PRKCZ: variants seen among roughly 807,000 people sequenced by gnomAD.
The protein encoded by PRKCZ is protein kinase C zeta type.
PRKCZ carries 33 observed loss-of-function variants against 79.5 expected under a neutral mutation model. That is an observed-to-expected ratio of 0.41 (90% confidence interval 0.31 to 0.55). The LOEUF is 0.55. Among genes scored for constraint, PRKCZ ranks in the 20% least tolerant of loss-of-function variants. The pLI is 0.19. For synonymous variants in PRKCZ, 342 were observed against 320.9 expected, an observed-to-expected ratio of 1.07 and a Z score of -0.70; for missense variants, 578 against 813.5, an observed-to-expected ratio of 0.71 and a Z score of 3.52.
At chr1:2,171,729 T>G (rs998646810) in intron 11 of PRKCZ, 1 of 313,346 alleles carries the variant, frequency 3.2e-6, no homozygotes, top group East Asian at 7.6e-5. Flanking sequence ...TGTTCTGCAC[T>G]CCTACCACAA....
chr1:2,061,317 G>A, intron 4 of PRKCZ, among the ~76,000 whole-genome samples: 1 of 152,028 alleles, frequency 6.6e-6, no homozygotes, highest in Non-Finnish European at 1.5e-5. Flanking sequence ...TACGACCTCG[G>A]CATTGCCTCT....
chr1:2,131,780 C>A (rs922252082), intron 4 of PRKCZ, among the ~76,000 whole-genome samples: 2 of 152,210 alleles, frequency 1.3e-5, no homozygotes, highest in African/African-American at 4.8e-5. Flanking sequence ...CTTACTGGAA[C>A]ATTTTTGTCA....
chr1:2,129,169 G>C (rs1674496813), intron 4 of PRKCZ, among the ~76,000 whole-genome samples: 1 of 152,184 alleles, frequency 6.6e-6, no homozygotes, highest in African/African-American at 2.4e-5. Context: ...ATTGCCTGAA[G>C]TTCGAAGGTT....
At chr1:2,087,204 T>C (rs1664677752) in intron 4 of PRKCZ, among the ~76,000 whole-genome samples, 1 of 152,054 alleles carries the variant, frequency 6.6e-6, no homozygotes, top group South Asian at 2.1e-4. Flanking sequence ...CACCTCAGCC[T>C]CCTGAGTAGC....
intron 4 of PRKCZ, among the ~76,000 whole-genome samples, chr1:2,087,190 C>T (rs1478373679): frequency 6.6e-6 from 1 of 152,082 alleles, no homozygotes; most frequent in Non-Finnish European, 1.5e-5. Flanking sequence ...TCAATTGATT[C>T]TCGCACCTCA....
chr1:2,159,537 C>T (rs905700388), intron 10 of PRKCZ, among the ~76,000 whole-genome samples: 12 of 152,238 alleles, frequency 7.9e-5, no homozygotes, highest in African/African-American at 2.7e-4. Flanking sequence ...GAGGTTTCCA[C>T]ACAAGTTTGG....
At chr1:2,054,850 G>A (rs551541541) in intron 1 of PRKCZ, among the ~76,000 whole-genome samples, 1 of 152,154 alleles carries the variant, frequency 6.6e-6, no homozygotes, top group South Asian at 2.1e-4. Flanking sequence ...CCTCCCACAA[G>A]AGGGCACTTT....
At chr1:2,056,868 A>G (rs1180886861) in intron 3 of PRKCZ, among the ~76,000 whole-genome samples, 2 of 151,522 alleles carry the variant, frequency 1.3e-5, no homozygotes, top group African/African-American at 4.9e-5. Flanking sequence ...AGCTGGGACT[A>G]CAGGCGCCCG....
At chr1:2,160,816 T>C (rs1209971601) in intron 10 of PRKCZ, among the ~76,000 whole-genome samples, 1 of 151,940 alleles carries the variant, frequency 6.6e-6, no homozygotes, top group Non-Finnish European at 1.5e-5. Context: ...CGTGGAGGAC[T>C]CGGGGGTGCT....
At chr1:2,077,676 C>G (rs1370110710) in intron 4 of PRKCZ, among the ~76,000 whole-genome samples, 1 of 152,174 alleles carries the variant, frequency 6.6e-6, no homozygotes, top group African/African-American at 2.4e-5. Context: ...CCTGGTCCTC[C>G]CTGCTGCCCC....
chr1:2,182,165 G>A (rs1686730394), intron 16 of PRKCZ: 1 of 229,824 alleles, frequency 4.4e-6, no homozygotes, highest in Non-Finnish European at 8.9e-6. Context: ...AAAAGCCTAT[G>A]AGGGTTTTTT....
intron 7 of PRKCZ, among the ~76,000 whole-genome samples, chr1:2,147,942 C>CT (rs1557678410): frequency 1.3e-5 from 2 of 151,456 alleles, no homozygotes; most frequent in Non-Finnish European, 1.5e-5. Context: ...GTCTATCCAT[C>CT]TATCTATTGT....
Position 2,150,927 on chromosome 1 carries a change from C to T in PRKCZ, c.825C>T (p.Asp275=), listed in dbSNP as rs779272149. ...KVLLVRLKKN[D]QIYAMKVVKK... ...TCCTGGTGCGGTTGAAGAAGAATGA[C>T]CAAATTTACGCCATGAAAGTGGTGA... The change falls in exon 9 of 18, where the codon GAC becomes GAT. Residue 275 remains aspartate (D), a synonymous_variant. Coordinates refer to ENST00000378567, the MANE Select transcript of PRKCZ (RefSeq NM_002744.6). 9.9e-6 allele frequency: 16 copies of T among 1,614,120 alleles called. No individual in the cohort carries two copies. In the Admixed American group the frequency reaches 2.7e-4, roughly 27 times the overall value.
At chr1:2,065,919 GT>G (rs929478735) in intron 4 of PRKCZ, among the ~76,000 whole-genome samples, 3 of 151,756 alleles carry the variant, frequency 2.0e-5, no homozygotes, top group Admixed American at 1.3e-4. Flanking sequence ...ACGATCATGT[GT>G]TTTTTTTACC....
Position 2,074,727 on chromosome 1 carries a change from G to C in PRKCZ, c.334+15136G>C, listed in dbSNP as rs140702214. 31 of 212,134 alleles carry C rather than the reference G, an allele frequency of 1.5e-4. 1 individual carries two copies. Among genetic ancestry groups the C allele is most frequent in the African/African-American group, 6.9e-4 (30 of 43,188 alleles). The allele number at this position is 212,134 out of a possible 1,614,324, so 13.1% of individuals were successfully genotyped here. On this transcript the variant is annotated intron_variant, in intron 4 of 17. Transcript: ENST00000378567. The stretch of plus-strand genomic sequence containing the variant: ...GGGTCCTCGGATGGTGGCGAGGAGC[G>C]GGGCTGCGGCGTCCTGTTTTCTATT...
At position 2,172,263 on chromosome 1, in the gene PRKCZ, T is replaced by A. The variant is rs1461037113; in HGVS notation, c.1198-38T>A. On this transcript the variant is annotated intron_variant, in intron 12 of 17. Coordinates refer to ENST00000378567, the MANE Select transcript of PRKCZ (RefSeq NM_002744.6). This position sits in a 1 kb window ranked among gnomAD's most constrained non-coding sequence, Gnocchi z 7.8. ...GGGGCGCCTGTCCCGCGGGGTAGTG[T>A]CTACAAGAACCCTCTCCCAGTAACT... The A allele has an allele frequency of 5.6e-6, 9 of 1,613,410 alleles. No individual in the cohort carries two copies. Among genetic ancestry groups the A allele is most frequent in the Non-Finnish European group, 7.6e-6 (9 of 1,179,990 alleles).
chr1:2,063,389 T>G (rs1312155419), intron 4 of PRKCZ, among the ~76,000 whole-genome samples: 2 of 152,228 alleles, frequency 1.3e-5, no homozygotes, highest in African/African-American at 4.8e-5. Context: ...CTCGGCTCAC[T>G]GCAGCCTCCA....
chr1:2,144,638 C>T lies in PRKCZ; in HGVS notation c.552+297C>T, dbSNP rs1678119974. 4 of 1,210,404 alleles carry T rather than the reference C, an allele frequency of 3.3e-6. No homozygotes were observed. In the South Asian group the frequency reaches 7.3e-5, roughly 22 times the overall value. 75.0% of individuals were successfully genotyped at this position (1,210,404 alleles called of 1,614,324 possible). A position where few individuals can be genotyped will look rare whatever the true frequency, so the allele number is the denominator to read the frequency against. ...GTCGGAGGTAAGGTTCATTCATACC[C>T]CAGTCTTGAACCAGCTCTTAAGGAC... On this transcript the variant is annotated intron_variant, in intron 6 of 17. Transcript: ENST00000378567.
At chr1:2,153,754 C>T (rs1680368937) in intron 9 of PRKCZ, among the ~76,000 whole-genome samples, 1 of 152,336 alleles carries the variant, frequency 6.6e-6, no homozygotes, top group African/African-American at 2.4e-5. Flanking sequence ...AGAGTCGCTG[C>T]TGCGGTTTTG....
Sources: allele counts gnomAD v4.1 joint callset (sites outside exome capture counted in the v4.1 genomes callset), GRCh38; gene constraint gnomAD v4.1.1; non-coding constraint Gnocchi (gnomAD v3.1); transcripts MANE v1.5; gene names NCBI Gene and HGNC (gene_info 2026-07-23, HGNC 2026-07-21).